The following CHL1 variants were observed in gnomAD, a reference collection of about 807,000 sequenced individuals.
CHL1 encodes the protein neural cell adhesion molecule L1-like protein.
CHL1 carries 96 observed loss-of-function variants against 141.9 expected under a neutral mutation model. The observed-to-expected ratio is 0.68, with a 90% CI of 0.57 to 0.80. CHL1 has a LOEUF of 0.80. Among genes scored for constraint, CHL1 ranks in the 30% least tolerant of loss-of-function variants. The pLI is 0.00. For synonymous variants in CHL1, 613 were observed against 502.2 expected, an observed-to-expected ratio of 1.22 and a Z score of -2.95; for missense variants, 1,820 against 1,457.2, an observed-to-expected ratio of 1.25 and a Z score of -4.05.
intron 1 of CHL1, among the ~76,000 whole-genome samples, chr3:241,396 T>C (rs942416016): frequency 3.3e-5 from 5 of 152,190 alleles, no homozygotes; most frequent in African/African-American, 9.6e-5. Flanking sequence ...TTTGAAATAT[T>C]AGATAACTTC....
intron 1 of CHL1, among the ~76,000 whole-genome samples, chr3:202,106 G>A (rs915121950): frequency 6.6e-6 from 1 of 152,166 alleles, no homozygotes; most frequent in Non-Finnish European, 1.5e-5. Context: ...TGTGGCATTG[G>A]CTTAGTCATG....
chr3:214,330 C>A (rs748673168), intron 1 of CHL1, among the ~76,000 whole-genome samples: 10 of 152,048 alleles, frequency 6.6e-5, no homozygotes, highest in Non-Finnish European at 1.5e-4. Flanking sequence ...TCTCTAGACA[C>A]AATATGCATG....
Position 354,762 on chromosome 3 carries a change from C to A in CHL1, c.1156C>A (p.Pro386Thr), listed in dbSNP as rs139046622. Residue 386 changes from proline to threonine, a missense_variant, in exon 11 of 28, where the codon CCA becomes ACA. Physicochemically the swap from Pro to Thr is conservative, Grantham distance 38 (BLOSUM62 -1). Coordinates refer to ENST00000256509, the MANE Select transcript of CHL1 (RefSeq NM_006614.4). ...AATCAAGTGGAGAGTCAATGGCTCC[C>A]CAGTTGACAGTAAGTTTAAAAACCA... ...PTIKWRVNGS[P>T]VDNHPFAGDV... 5 of 1,613,136 alleles carry A rather than the reference C, an allele frequency of 3.1e-6. No individual in the cohort carries two copies. Among genetic ancestry groups the A allele is most frequent in the Non-Finnish European group, 4.2e-6 (5 of 1,179,656 alleles).
chr3:382,813 A>C, intron 18 of CHL1, 142 bp downstream of exon 18: 1 of 712,606 alleles, frequency 1.4e-6, no homozygotes, highest in Non-Finnish European at 2.3e-6. Context: ...ACAGCACACA[A>C]AATATTCAAA....
At chr3:333,167 A>C (rs1261056778) in intron 5 of CHL1, among the ~76,000 whole-genome samples, 1 of 106,714 alleles carries the variant, frequency 9.4e-6, no homozygotes, top group African/African-American at 3.1e-5. Flanking sequence ...AGAAAAGAGC[A>C]AAATAAATTA....
At chr3:288,954 C>A (rs1697418123) in intron 2 of CHL1, among the ~76,000 whole-genome samples, 1 of 152,116 alleles carries the variant, frequency 6.6e-6, no homozygotes, top group Non-Finnish European at 1.5e-5. Context: ...TTGTGAGCTT[C>A]TTTTTTGTTT....
At chr3:390,516 T>C (rs1708134470) in intron 20 of CHL1, among the ~76,000 whole-genome samples, 185 bp from the exon 21 acceptor site, 2 of 152,262 alleles carry the variant, frequency 1.3e-5, no homozygotes, top group African/African-American at 4.8e-5. Flanking sequence ...CAGTCTGTCC[T>C]CTTCTTTGGG....
chr3:340,851 C>A lies in CHL1; in HGVS notation c.443C>A (p.Pro148Gln). The part of the protein sequence containing the change: ...IDPLEVEEGD[P>Q]IVLPCNPPKG... ...CCTCTTGAAGTGGAGGAGGGAGATC[C>A]AATTGTCCTCCCATGCAATCCTCCC... The change falls in exon 6 of 28, where the codon CCA becomes CAA. Residue 148 changes from proline (P) to glutamine (Q), a missense_variant. Pro to Gln is a moderately conservative substitution (Grantham distance 76). Coordinates refer to ENST00000256509, the MANE Select transcript of CHL1 (RefSeq NM_006614.4). 1.2e-6 allele frequency: 2 copies of A among 1,609,642 alleles called. No individual in the cohort carries two copies. Among genetic ancestry groups the A allele is most frequent in the Non-Finnish European group, 1.7e-6 (2 of 1,176,190 alleles).
At chr3:389,210 A>T in intron 19 of CHL1, 42 bp from the exon 20 acceptor site, 1 of 1,498,860 alleles carries the variant, frequency 6.7e-7, no homozygotes, top group Non-Finnish European at 9.1e-7. Context: ...CTGAGTCAAC[A>T]CATCTGTGAT....
At chr3:219,809 A>G (rs993260765) in intron 1 of CHL1, among the ~76,000 whole-genome samples, 3 of 152,212 alleles carry the variant, frequency 2.0e-5, no homozygotes, top group African/African-American at 7.2e-5. Flanking sequence ...TGTGTAACAA[A>G]CTGGCACATG....
chr3:343,252 T>C (rs1168592999), intron 8 of CHL1, among the ~76,000 whole-genome samples: 6 of 152,206 alleles, frequency 3.9e-5, no homozygotes, highest in African/African-American at 1.2e-4. Flanking sequence ...GAAATACTTA[T>C]ATATAATGCA....
At position 382,508 on chromosome 3, in the gene CHL1, G is replaced by T. The variant is rs1707172452; in HGVS notation, c.2013G>T (p.Glu671Asp). 1.9e-6 allele frequency: 3 copies of T among 1,613,722 alleles called. No individual in the cohort carries two copies. The highest frequency in any genetic ancestry group is 1.7e-5 in the Admixed American group (1 of 59,980). ...YIVEFEGNKE[E>D]PGRWEELTRV... ...TTGAATTTGAAGGAAACAAAGAAGA[G>T]CCTGGAAGGTGGGAGGAACTGACCA... The change falls in exon 18 of 28, where the codon GAG (glutamate) becomes GAT (aspartate). Residue 671 changes from glutamate (E) to aspartate (D), a missense_variant. Coordinates refer to ENST00000256509, the MANE Select transcript of CHL1 (RefSeq NM_006614.4).
chr3:200,472 A>C (rs1365584459), intron 1 of CHL1, among the ~76,000 whole-genome samples: 1 of 152,210 alleles, frequency 6.6e-6, no homozygotes, highest in Non-Finnish European at 1.5e-5. Flanking sequence ...TTTCAAACCA[A>C]GATTGAGAAT....
intron 1 of CHL1, among the ~76,000 whole-genome samples, chr3:226,017 AG>A (rs1479396762): frequency 3.4e-3 from 346 of 100,310 alleles, no homozygotes; most frequent in African/African-American, 0.013. Context: ...TAAAAAAAAG[AG>A]ACACGTTAAT....
chr3:215,243 G>A (rs1700220550), intron 1 of CHL1, among the ~76,000 whole-genome samples: 1 of 152,120 alleles, frequency 6.6e-6, no homozygotes, highest in Non-Finnish European at 1.5e-5. Context: ...TAATAAGAAT[G>A]AAATCCTGTC....
At chr3:258,166 G>C (rs769347653) in intron 2 of CHL1, among the ~76,000 whole-genome samples, 4 of 152,222 alleles carry the variant, frequency 2.6e-5, no homozygotes, top group Non-Finnish European at 5.9e-5. Flanking sequence ...CCCCATGGCT[G>C]TCTGTCCAGG....
At chr3:256,322 G>A (rs187029433) in intron 2 of CHL1, among the ~76,000 whole-genome samples, 10 of 152,320 alleles carry the variant, frequency 6.6e-5, no homozygotes, top group African/African-American at 2.4e-4. Context: ...GCATGGTAAA[G>A]CAGAGCTCCT....
intron 2 of CHL1, among the ~76,000 whole-genome samples, chr3:313,083 T>G (rs1445287032): frequency 6.6e-6 from 1 of 152,152 alleles, no homozygotes; most frequent in African/African-American, 2.4e-5. Context: ...TTTCCCTTCT[T>G]TTTTGGCTGT....
At chr3:318,891 C>A (rs1371628760) in intron 2 of CHL1, among the ~76,000 whole-genome samples, 1 of 151,312 alleles carries the variant, frequency 6.6e-6, no homozygotes, top group East Asian at 2.0e-4. Context: ...AAAAAAGAAC[C>A]ACTTTTTAAA....
Sources: allele counts gnomAD v4.1 joint callset (sites outside exome capture counted in the v4.1 genomes callset), GRCh38; gene constraint gnomAD v4.1.1; transcripts MANE v1.5; gene names NCBI Gene and HGNC (gene_info 2026-07-23, HGNC 2026-07-21).